The following ZNF490 variants were observed in gnomAD, a reference collection of about 807,000 sequenced individuals.
ZNF490 encodes zinc finger protein 490.
A neutral mutation model predicts 17.7 loss-of-function variants in ZNF490; 11 were observed. The ratio of observed to expected loss-of-function variants is 0.62; its 90% CI spans 0.39 to 1.03. The LOEUF (loss-of-function observed/expected upper bound fraction) is 1.03, where lower values mean the gene tolerates loss of function less well. Ranked by LOEUF, ZNF490 falls within the 50% of genes least tolerant of loss-of-function variation. The pLI, the probability that ZNF490 is intolerant of heterozygous loss-of-function variation, is 0.00. For synonymous variants in ZNF490, 222 were observed against 216.1 expected (o/e 1.03, Z -0.24); for missense variants, 542 against 643.4 (o/e 0.84, Z 1.71).
intron 2 of ZNF490, among the ~76,000 whole-genome samples, chr19:12,598,105 T>C (rs1172956406): frequency 6.6e-6 from 1 of 151,652 alleles, no homozygotes; most frequent in Non-Finnish European, 1.5e-5. Flanking sequence ...GCGCCTGTAA[T>C]CCCAGCTACT....
At chr19:12,603,752 C>T (rs1391863669) in intron 2 of ZNF490, among the ~76,000 whole-genome samples, 4 of 149,248 alleles carry the variant, frequency 2.7e-5, no homozygotes, top group Non-Finnish European at 5.9e-5. Flanking sequence ...GATTGTGCCA[C>T]TGTCACTGGG....
rs2022715576 is a variant in ZNF490, at chr19:12,580,548, T to C, written c.1527A>G (p.Lys509=). The part of the protein sequence containing the change: ...ERPFQCRQCG[K]AFSYSKSLHV... ...GCAAAGACTTTGAGTAACTGAAGGC[T>C]TTACCACATTGTCTACACTGAAAGG... The change falls in exon 5 of 5, where the codon AAA becomes AAG. Residue 509 remains lysine (K), a synonymous_variant. Coordinates refer to ENST00000311437, the MANE Select transcript of ZNF490 (RefSeq NM_020714.3). The C allele has an allele frequency of 1.2e-6, 2 of 1,613,758 alleles. No individual in the cohort carries two copies. The highest frequency in any genetic ancestry group is 1.7e-6 in the Non-Finnish European group (2 of 1,179,890).
chr19:12,602,125 C>T (rs1393116706), intron 2 of ZNF490, among the ~76,000 whole-genome samples: 17 of 147,002 alleles, frequency 1.2e-4, no homozygotes, highest in African/African-American at 3.6e-4. Context: ...CACACACACA[C>T]ACATATATGG....
intron 2 of ZNF490, among the ~76,000 whole-genome samples, chr19:12,606,343 CTTT>C (rs35743660): frequency 1.4e-4 from 17 of 121,614 alleles, no homozygotes; most frequent in Admixed American, 2.5e-4. Flanking sequence ...CTGGGTAATT[CTTT>C]TTTTTTTTTT....
rs1425305644 is a variant in ZNF490 at position 12,576,986 on chromosome 19, AAAAG to A, written c.*3495_*3498del. 3.3e-5 allele frequency among the ~76,000 whole-genome samples: 5 copies of A among 152,104 alleles called. No individual in the cohort carries two copies. The highest frequency in any genetic ancestry group is 1.2e-4 in the African/African-American group (5 of 41,412). ...CCACAGGTGTAACAGCCCAGATACT[AAAAG>A]ATTCTCCCAAATAGAAGGACCCCAG... On this transcript the variant is annotated 3_prime_UTR_variant, in exon 5 of 5. Coordinates refer to ENST00000311437, the MANE Select transcript of ZNF490 (RefSeq NM_020714.3).
intron 2 of ZNF490, among the ~76,000 whole-genome samples, chr19:12,591,072 T>C (rs1416882213): frequency 6.6e-6 from 1 of 152,102 alleles, no homozygotes; most frequent in Non-Finnish European, 1.5e-5. Flanking sequence ...AAATTATAAG[T>C]TTGACTTCAT....
rs1426413060 is a variant in ZNF490, at chr19:12,581,452, C to T, written c.623G>A (p.Ser208Asn). The T allele has an allele frequency of 6.2e-7, 1 of 1,614,218 alleles. No individual in the cohort carries two copies. The highest frequency in any genetic ancestry group is 8.5e-7 in the Non-Finnish European group (1 of 1,180,040). ...GTGAATTCTTTCATGGGTTCGAATA[C>T]TGGAGCTGCGAGTGAAGGTTTTCCC... ...ECGKTFTRSSSIRTHERIHTG... is the reference protein window; with the variant it reads ...ECGKTFTRSSNIRTHERIHTG... The change falls in exon 5 of 5, where the codon AGT (serine) becomes AAT (asparagine). Residue 208 changes from serine (S) to asparagine (N), a missense_variant. By Grantham distance (46) the Ser-to-Asn change is conservative (BLOSUM62 1). Transcript: ENST00000311437.
At chr19:12,600,598 AATTATT>A (rs936058802) in intron 2 of ZNF490, among the ~76,000 whole-genome samples, 2 of 152,062 alleles carry the variant, frequency 1.3e-5, no homozygotes, top group African/African-American at 4.8e-5. Flanking sequence ...TAATAATTAT[AATTATT>A]ATGTTAAATT....
chr19:12,598,747 G>C (rs1442886947), intron 2 of ZNF490, among the ~76,000 whole-genome samples: 1 of 151,526 alleles, frequency 6.6e-6, no homozygotes, highest in Non-Finnish European at 1.5e-5. Flanking sequence ...CCAGCACTTT[G>C]GGAGGCTGAG....
chr19:12,610,470 C>T, intron 1 of ZNF490, 94 bp downstream of exon 1: 1 of 1,059,332 alleles, frequency 9.4e-7, no homozygotes, highest in Non-Finnish European at 1.4e-6. Flanking sequence ...TGCAACCACA[C>T]TTTTTATTAC....
Position 12,594,153 on chromosome 19 carries a change from C to T in ZNF490, c.163-10597G>A, listed in dbSNP as rs539032013. Among the ~76,000 whole-genome samples, 17 of 152,234 alleles carry T rather than the reference C, an allele frequency of 1.1e-4. 2 individuals are homozygous for T. The East Asian group carries it at 2.1e-3, about 19-fold the overall frequency. ...GGTCATCATGGATAATTACAAGAGG[C>T]ATGAGAGGAGGTTTCTAAAGCCACT... On this transcript the variant is annotated intron_variant, in intron 2 of 4. Transcript: ENST00000311437.
intron 2 of ZNF490, among the ~76,000 whole-genome samples, chr19:12,594,395 G>A (rs1258386712): frequency 6.6e-6 from 1 of 151,862 alleles, no homozygotes; most frequent in Non-Finnish European, 1.5e-5. Context: ...GAACCAGGGA[G>A]GCAGAGGTTG....
chr19:12,577,753 C>T lies in ZNF490; in HGVS notation c.*2732G>A. ...GTGGAGGCCAGAGGCCTAAAGAGTT[C>T]CGACCCGAGCGACACAAAGATCACT... On this transcript the variant is annotated 3_prime_UTR_variant, in exon 5 of 5. Transcript: ENST00000311437. 1.0e-6 allele frequency: 1 copy of T among 985,508 alleles called. No individual in the cohort carries two copies. Among genetic ancestry groups the T allele is most frequent in the Non-Finnish European group, 1.2e-6 (1 of 830,014 alleles). The allele number at this position is 985,508 out of a possible 1,614,324, so 61.0% of individuals were successfully genotyped here.
chr19:12,589,624 T>G (rs1440808180), intron 2 of ZNF490, among the ~76,000 whole-genome samples: 1 of 150,010 alleles, frequency 6.7e-6, no homozygotes, highest in East Asian at 2.0e-4. Context: ...CTGGAGTATA[T>G]TGGCTATTCA....
In ZNF490 at chr19:12,577,923, C is replaced by T. The variant is rs896626743; in HGVS notation, c.*2562G>A. 4.7e-5 allele frequency: 46 copies of T among 985,446 alleles called. No homozygotes were observed. Among genetic ancestry groups the T allele is most frequent in the African/African-American group, 1.7e-4 (10 of 57,348 alleles). The allele number at this position is 985,446 out of a possible 1,614,324, so 61.0% of individuals were successfully genotyped here. ...AACAAAGGACAGACCCGACCCCTAT[C>T]GTGCCTATGCAATTCAGAAAACGGA... On this transcript the variant is annotated 3_prime_UTR_variant, in exon 5 of 5. Coordinates refer to ENST00000311437, the MANE Select transcript of ZNF490 (RefSeq NM_020714.3).
chr19:12,596,791 C>A (rs925533485), intron 2 of ZNF490, among the ~76,000 whole-genome samples: 18 of 152,270 alleles, frequency 1.2e-4, no homozygotes, highest in East Asian at 3.9e-4. Flanking sequence ...CTCCTCTCCC[C>A]TAGCTGCAAA....
intron 2 of ZNF490, among the ~76,000 whole-genome samples, chr19:12,594,387 A>C (rs986110310): frequency 6.6e-6 from 1 of 151,690 alleles, no homozygotes; most frequent in Admixed American, 6.6e-5. Context: ...AATTGCTTGA[A>C]CCAGGGAGGC....
rs1568276324 is a variant in ZNF490 at position 12,577,871 on chromosome 19, T to TTCTAAAA, written c.*2613_*2614insTTTTAGA. The TTCTAAAA allele has an allele frequency of 4.8e-5, 47 of 985,270 alleles. No individual in the cohort carries two copies. The African/African-American group carries it at 7.7e-4, about 16-fold the overall frequency. The allele number at this position is 985,270 out of a possible 1,614,324, so 61.0% of individuals were successfully genotyped here. A position where few individuals can be genotyped will look rare whatever the true frequency, so the allele number is the denominator to read the frequency against. ...CACCTCCCTTCTAAAACACACTGAC[T>TTCTAAAA]TGCTAAGAAAAGGGGGGACTGACTC... On this transcript the variant is annotated 3_prime_UTR_variant, in exon 5 of 5. Coordinates refer to ENST00000311437, the MANE Select transcript of ZNF490 (RefSeq NM_020714.3).
At chr19:12,609,931 A>G (rs1456423446) in intron 1 of ZNF490, 5 of 455,588 alleles carry the variant, frequency 1.1e-5, no homozygotes, top group Non-Finnish European at 2.2e-5. Context: ...CTTCGCCACT[A>G]TGAAATATAT....
Sources: allele counts gnomAD v4.1 joint callset (sites outside exome capture counted in the v4.1 genomes callset), GRCh38; gene constraint gnomAD v4.1.1; transcripts MANE v1.5; gene names NCBI Gene and HGNC (gene_info 2026-07-23, HGNC 2026-07-21).